The following WNT16 variants were observed in gnomAD, a reference collection of about 807,000 sequenced individuals.
WNT16 encodes Wnt family member 16.
WNT16 carries 20 observed loss-of-function variants against 35.4 expected under a neutral mutation model. That is an observed-to-expected ratio of 0.56 (90% CI 0.40 to 0.82). WNT16 has a LOEUF of 0.82. Among genes scored for constraint, WNT16 ranks in the 40% least tolerant of loss-of-function variants. The pLI is 0.00. For missense variants in WNT16, 461 were observed against 466.0 expected, an observed-to-expected ratio of 0.99 and a Z score of 0.10; for synonymous variants, 180 against 179.2, an observed-to-expected ratio of 1.00 and a Z score of -0.03.
At chr7:121,332,063 A>G in intron 3 of WNT16, 99 bp downstream of exon 3, 1 of 1,400,536 alleles carries the variant, frequency 7.1e-7, no homozygotes, top group Non-Finnish European at 9.7e-7. Context: ...TTAAAAACCA[A>G]ACACTGGCAG....
In WNT16 at chr7:121,339,239, C is replaced by G. The variant is rs1430230424; in HGVS notation, c.992C>G (p.Thr331Ser). ...NLLCCGRGYN[T>S]HVVRHVERCE... ...CTCTGCTGTGGCCGAGGTTACAACA[C>G]CCATGTGGTCAGGCACGTGGAGAGG... Residue 331 changes from threonine (T) to serine (S), a missense_variant, in exon 4 of 4, where the codon ACC becomes AGC. Transcript: ENST00000222462. The G allele has an allele frequency of 6.2e-7, 1 of 1,614,182 alleles. No individual in the cohort carries two copies. Among genetic ancestry groups the G allele is most frequent in the Non-Finnish European group, 8.5e-7 (1 of 1,180,018 alleles).
At chr7:121,335,303 G>T (rs901965601) in intron 3 of WNT16, among the ~76,000 whole-genome samples, 1 of 151,970 alleles carries the variant, frequency 6.6e-6, no homozygotes, top group Non-Finnish European at 1.5e-5. Context: ...CTTCTCAAGC[G>T]GTTTCTATGT....
Position 121,339,296 on chromosome 7 carries a change from T to C in WNT16, c.1049T>C (p.Val350Ala). 1 of 1,614,050 alleles carries C rather than the reference T, an allele frequency of 6.2e-7. No homozygotes were observed. The highest frequency in any genetic ancestry group is 8.5e-7 in the Non-Finnish European group (1 of 1,180,022). ...TGTAAGTTCATCTGGTGCTGCTATG[T>C]CCGTTGCAGGAGGTGTGAAAGCATG... ...CECKFIWCCYVRCRRCESMTD... is the reference protein window; with the variant it reads ...CECKFIWCCYARCRRCESMTD... The change falls in exon 4 of 4, where the codon GTC becomes GCC. Residue 350 changes from valine to alanine, a missense_variant. Val to Ala is a moderately conservative substitution (Grantham distance 64). Coordinates refer to ENST00000222462, the MANE Select transcript of WNT16 (RefSeq NM_057168.2).
upstream of WNT16, among the ~76,000 whole-genome samples, chr7:121,325,939 G>C (rs1329170377): frequency 1.3e-5 from 2 of 150,892 alleles, no homozygotes; most frequent in African/African-American, 4.9e-5. Flanking sequence ...TACTCAGGAG[G>C]CTGAGGGTGA....
chr7:121,340,429 G>A lies in WNT16; in HGVS notation c.*1084G>A, dbSNP rs1562878386. ...TTCATACTATTAATGCTATTTTTTT[G>A]GACATCGAAGAGAATTTAACTTAGC... On this transcript the variant is annotated 3_prime_UTR_variant, in exon 4 of 4. Transcript: ENST00000222462. 6.6e-6 allele frequency: 1 copy of A among 151,174 alleles called. No individual in the cohort carries two copies. Among genetic ancestry groups the A allele is most frequent in the Non-Finnish European group, 1.5e-5 (1 of 67,824 alleles). 9.4% of individuals were successfully genotyped at this position (151,174 alleles called of 1,614,324 possible).
At position 121,329,285 on chromosome 7, in the gene WNT16, C is replaced by G; in HGVS notation, c.-8C>G. On this transcript the variant is annotated 5_prime_UTR_variant, in exon 1 of 4. Transcript: ENST00000222462. The stretch of plus-strand genomic sequence containing the variant: ...AGCGGCTGGGCTGGGGGACTCCATG[C>G]GGGGGCGATGGACAGGGCGGCGCTC... 1 of 1,555,490 alleles carries G rather than the reference C, an allele frequency of 6.4e-7. No homozygotes were observed. The highest frequency in any genetic ancestry group is 1.2e-5 in the South Asian group (1 of 84,508).
At chr7:121,326,749 A>G (rs1173512309), upstream of WNT16, among the ~76,000 whole-genome samples, 1 of 152,094 alleles carries the variant, frequency 6.6e-6, no homozygotes, top group Non-Finnish European at 1.5e-5. Context: ...TGCTATCCCC[A>G]CTTTCTAACC....
rs372183865 is a variant in WNT16, at chr7:121,338,935, T to A, written c.688T>A (p.Cys230Ser). The change falls in exon 4 of 4, where the codon TGT (cysteine) becomes AGT (serine). Residue 230 changes from cysteine (C) to serine (S), a missense_variant. By Grantham distance (112) the Cys-to-Ser change is moderately radical (BLOSUM62 -1). Transcript: ENST00000222462. ...CCGCTGCCACGGAGTTTCCGGCTCC[T>A]GTGCTGTGAAAACATGCTGGAAAAC... is the stretch of plus-strand genomic sequence containing the variant. ...DCRCHGVSGS[C>S]AVKTCWKTMS... 5.6e-6 allele frequency: 9 copies of A among 1,614,140 alleles called. No individual in the cohort carries two copies. Among genetic ancestry groups the A allele is most frequent in the Non-Finnish European group, 7.6e-6 (9 of 1,180,020 alleles).
chr7:121,329,397 G>C lies in WNT16; in HGVS notation c.95+10G>C. On this transcript the variant is annotated intron_variant, in intron 1 of 3. Transcript: ENST00000222462. ...CCCAAGGAAACTGGATGTGAGTATG[G>C]AGGTGGCAGGGAAGCATCGGGTAGG... 1 of 1,609,926 alleles carries C rather than the reference G, an allele frequency of 6.2e-7. No homozygotes were observed. Among genetic ancestry groups the C allele is most frequent in the Non-Finnish European group, 8.5e-7 (1 of 1,177,600 alleles).
intron 3 of WNT16, among the ~76,000 whole-genome samples, chr7:121,334,626 G>A (rs1793407916): frequency 6.6e-6 from 1 of 152,062 alleles, no homozygotes. Context: ...TGTGGGTACT[G>A]GCGCTTAGTA....
chr7:121,331,597 A>T, intron 2 of WNT16, 81 bp from the exon 3 acceptor site: 1 of 1,331,026 alleles, frequency 7.5e-7, no homozygotes, highest in Admixed American at 2.3e-5. Context: ...TTGTCCAGTA[A>T]GATCATGAGT....
At chr7:121,337,804 T>A (rs1793465648) in intron 3 of WNT16, among the ~76,000 whole-genome samples, 1 of 152,234 alleles carries the variant, frequency 6.6e-6, no homozygotes, top group South Asian at 2.1e-4. Flanking sequence ...CCTTAGTGTG[T>A]GTCAGGCAGT....
At chr7:121,335,986 TTGTG>T (rs36224614) in intron 3 of WNT16, among the ~76,000 whole-genome samples, 7,804 of 140,148 alleles carry the variant, frequency 0.056, 243 homozygotes, top group Admixed American at 0.088. Flanking sequence ...GAATTAAACT[TTGTG>T]TGTGTGTGTG....
At position 121,339,880 on chromosome 7, in the gene WNT16, G is replaced by A. The variant is rs545498781; in HGVS notation, c.*535G>A. The A allele has an allele frequency of 6.2e-6, 1 of 161,826 alleles. No homozygotes were observed. Among genetic ancestry groups the A allele is most frequent in the African/African-American group, 2.4e-5 (1 of 41,946 alleles). 10.0% of individuals were successfully genotyped at this position (161,826 alleles called of 1,614,324 possible). On this transcript the variant is annotated 3_prime_UTR_variant, in exon 4 of 4. Transcript: ENST00000222462. ...GTTGAAAAGTTAACATAAGCATTGGGTGCTGACTTACCCTTTCATGTACTT... is the reference window on the plus strand; with the variant it reads ...GTTGAAAAGTTAACATAAGCATTGGATGCTGACTTACCCTTTCATGTACTT...
At chr7:121,328,644 A>G (rs1793280081), upstream of WNT16, among the ~76,000 whole-genome samples, 1 of 152,202 alleles carries the variant, frequency 6.6e-6, no homozygotes, top group Non-Finnish European at 1.5e-5. Flanking sequence ...TCCAGCCACT[A>G]CACCCAGAGG....
At position 121,339,796 on chromosome 7, in the gene WNT16, A is replaced by C; in HGVS notation, c.*451A>C. On this transcript the variant is annotated 3_prime_UTR_variant, in exon 4 of 4. Transcript: ENST00000222462. ...ATAAGGAGACATTAACATGAATCTC[A>C]TTTATTCTCTCAGTATTTTAACTGA... 4 of 247,098 alleles carry C rather than the reference A, an allele frequency of 1.6e-5. No homozygotes were observed. Among genetic ancestry groups the C allele is most frequent in the East Asian group, 7.4e-5 (1 of 13,584 alleles). 15.3% of individuals were successfully genotyped at this position (247,098 alleles called of 1,614,324 possible). A position where few individuals can be genotyped will look rare whatever the true frequency, so the allele number is the denominator to read the frequency against.
chr7:121,327,365 T>TC (rs947993635), upstream of WNT16, among the ~76,000 whole-genome samples: 5 of 150,566 alleles, frequency 3.3e-5, no homozygotes, highest in Admixed American at 1.3e-4. Context: ...TTTTTTTTTT[T>TC]TTTGAGTCGG....
chr7:121,329,623 C>G lies in WNT16; in HGVS notation c.152C>G (p.Pro51Arg), dbSNP rs750986005. 1.4e-5 allele frequency: 23 copies of G among 1,614,084 alleles called. No individual in the cohort carries two copies. Among genetic ancestry groups the G allele is most frequent in the Non-Finnish European group, 1.9e-5 (22 of 1,180,038 alleles). ...GAGAAGCTGGGCTGCGCCAATTTGC[C>G]GCTGAACAGCCGCCAGAAGGAGCTG... ...VPEKLGCANL[P>R]LNSRQKELCK... The change falls in exon 2 of 4, where the codon CCG becomes CGG. Residue 51 changes from proline (P) to arginine (R), a missense_variant. Pro to Arg is a moderately radical substitution (Grantham distance 103). Coordinates refer to ENST00000222462, the MANE Select transcript of WNT16 (RefSeq NM_057168.2).
chr7:121,325,558 G>C, upstream of WNT16: 1 of 1,423,960 alleles, frequency 7.0e-7, no homozygotes, highest in South Asian at 1.3e-5. Context: ...TGTGACGTAA[G>C]GAACCATAGA....
Sources: gnomAD v4.1 joint callset for allele counts (sites outside exome capture counted in the v4.1 genomes callset) on GRCh38, gnomAD v4.1.1 for gene constraint, MANE v1.5 for transcripts, NCBI Gene and HGNC (gene_info 2026-07-23, HGNC 2026-07-21) for gene names.